The following APOLD1 variants were observed in gnomAD, a reference collection of about 807,000 sequenced individuals.
The protein encoded by APOLD1 is apolipoprotein L domain-containing protein 1.
Under a neutral mutation model 15.3 loss-of-function variants are expected in APOLD1, and 22 were observed. That is an observed-to-expected ratio of 1.44 (90% CI 1.03 to 2.05). The LOEUF (loss-of-function observed/expected upper bound fraction) is 2.05. Among genes scored for constraint, APOLD1 ranks in the 30% most tolerant of loss-of-function variants. The pLI, the probability that APOLD1 is intolerant of heterozygous loss-of-function variation, is 0.00. For synonymous variants in APOLD1, 190 were observed against 167.4 expected, an observed-to-expected ratio of 1.13 and a Z score of -1.04; for missense variants, 394 against 353.5, an observed-to-expected ratio of 1.11 and a Z score of -0.92.
At chr12:12,783,721 C>T (rs567170319), upstream of APOLD1, among the ~76,000 whole-genome samples, 7 of 150,664 alleles carry the variant, frequency 4.6e-5, no homozygotes, top group African/African-American at 1.5e-4. Flanking sequence ...GCAGCCTTGA[C>T]CTCCTGGGTG....
chr12:12,756,837 A>T (rs888947311), intron 1 of APOLD1, among the ~76,000 whole-genome samples: 1 of 151,960 alleles, frequency 6.6e-6, no homozygotes, highest in African/African-American at 2.4e-5. Context: ...CCCAGGCTGG[A>T]GTGCAATGGC....
intron 1 of APOLD1, among the ~76,000 whole-genome samples, chr12:12,749,603 C>G (rs1052603620): frequency 6.6e-6 from 1 of 152,140 alleles, no homozygotes; most frequent in African/African-American, 2.4e-5. Context: ...AGGAGTGTGA[C>G]GTTGGTAACT....
intron 1 of APOLD1, among the ~76,000 whole-genome samples, chr12:12,746,733 A>G (rs1345676528): frequency 3.9e-5 from 6 of 152,070 alleles, no homozygotes; most frequent in Non-Finnish European, 7.4e-5. Context: ...GGATGATCCT[A>G]TTGCCCAAGT....
At chr12:12,785,568 A>T (rs1947117170), upstream of APOLD1, 1 of 1,590,792 alleles carries the variant, frequency 6.3e-7, no homozygotes, top group Non-Finnish European at 8.6e-7. Context: ...TCATGACAGG[A>T]AATGGCAAAT....
intron 1 of APOLD1, among the ~76,000 whole-genome samples, chr12:12,746,506 A>AATAAATAAATAAATAC (rs1249370057): frequency 2.0e-5 from 3 of 150,954 alleles, no homozygotes; most frequent in Admixed American, 6.6e-5. Flanking sequence ...CAAATAAATA[A>AATAAATAAATAAATAC]ATAAATAAAT....
chr12:12,728,676 A>G (rs1213551281), intron 1 of APOLD1, among the ~76,000 whole-genome samples: 4 of 95,704 alleles, frequency 4.2e-5, no homozygotes, highest in Admixed American at 3.0e-4. Context: ...AAAAAAAAAA[A>G]AAAAAAAAAA....
chr12:12,745,167 G>T (rs1440279521), intron 1 of APOLD1, among the ~76,000 whole-genome samples: 1 of 152,190 alleles, frequency 6.6e-6, no homozygotes, highest in East Asian at 1.9e-4. Flanking sequence ...GCTGTGAGGA[G>T]AATTAAAAGG....
intron 1 of APOLD1, among the ~76,000 whole-genome samples, chr12:12,738,139 A>G (rs1056405504): frequency 6.6e-6 from 1 of 151,250 alleles, no homozygotes; most frequent in African/African-American, 2.4e-5. Flanking sequence ...TTTACTCTGG[A>G]ATATGCTGCC....
rs181885314 is a variant in APOLD1, at chr12:12,737,064, A to T, written c.96+10968A>T. Among the ~76,000 whole-genome samples, 278 of 152,328 alleles carry T rather than the reference A, an allele frequency of 1.8e-3. 1 individual carries two copies. Among genetic ancestry groups the T allele is most frequent in the African/African-American group, 6.6e-3 (273 of 41,564 alleles). On this transcript the variant is annotated intron_variant, in intron 1 of 1. Transcript: ENST00000326765. ...TAAGCAAATGAATAGCTTAGAGGTG[A>T]ATACTGAATCTTTTGCTTCAAGTAG...
intron 1 of APOLD1, among the ~76,000 whole-genome samples, chr12:12,734,788 G>C (rs1946670560): frequency 6.6e-6 from 1 of 152,234 alleles, no homozygotes; most frequent in Non-Finnish European, 1.5e-5. Flanking sequence ...AGTAGTGCCA[G>C]ATATTGCTGC....
rs1947117836 is a variant in APOLD1 at position 12,785,667 on chromosome 12, C to T, written c.-25C>T. On this transcript the variant is annotated 5_prime_UTR_variant, in exon 1 of 2. Coordinates refer to ENST00000356591, the MANE Select transcript of APOLD1 (RefSeq NM_030817.3). The stretch of plus-strand genomic sequence containing the variant: ...CATCCAGAAACAGCCTCAGATTTTA[C>T]TTTCCTGGAGGCAGACAGAAGTGAA... The T allele has an allele frequency of 6.2e-7, 1 of 1,614,212 alleles. No homozygotes were observed. The highest frequency in any genetic ancestry group is 8.5e-7 in the Non-Finnish European group (1 of 1,180,028).
intron 1 of APOLD1, among the ~76,000 whole-genome samples, chr12:12,752,248 T>C (rs893445258): frequency 1.3e-5 from 2 of 152,182 alleles, no homozygotes; most frequent in African/African-American, 4.8e-5. Flanking sequence ...ATGATTGGCT[T>C]AGTCTCCTTC....
chr12:12,787,048 TGCGCA>T lies in APOLD1; in HGVS notation c.145_149del (p.Arg49AlafsTer141). On this transcript the variant is annotated frameshift_variant, in exon 2 of 2. Transcript: ENST00000356591. LOFTEE classifies it high-confidence loss of function. The surrounding 1 kb of genome is among the most constrained non-coding windows in gnomAD (Gnocchi z 4.9). ...GAGGTGGCCCGGCGCCTGGAGCGCC[TGCGCA>T]GGCGCTCCCTCGTAGCCAACGTGGC... 7.3e-7 allele frequency: 1 copy of T among 1,365,378 alleles called. No individual in the cohort carries two copies. The highest frequency in any genetic ancestry group is 3.1e-5 in the East Asian group (1 of 32,544). 84.6% of individuals were successfully genotyped at this position (1,365,378 alleles called of 1,614,324 possible).
At chr12:12,786,305 C>G (rs1258017894) in intron 1 of APOLD1, among the ~76,000 whole-genome samples, 1 of 152,126 alleles carries the variant, frequency 6.6e-6, no homozygotes, top group African/African-American at 2.4e-5. Context: ...TCATTTTAGG[C>G]TTGATTCTAA....
At chr12:12,772,225 AC>A (rs1208749047) in intron 1 of APOLD1, among the ~76,000 whole-genome samples, 1 of 152,190 alleles carries the variant, frequency 6.6e-6, no homozygotes, top group Non-Finnish European at 1.5e-5. Context: ...AAAAAACAAG[AC>A]CCAACTATAT....
intron 1 of APOLD1, among the ~76,000 whole-genome samples, chr12:12,753,237 T>G (rs1946826464): frequency 6.6e-6 from 1 of 151,966 alleles, no homozygotes; most frequent in African/African-American, 2.4e-5. Context: ...TCTGAGAAAA[T>G]GAATTAACAC....
intron 1 of APOLD1, among the ~76,000 whole-genome samples, chr12:12,762,545 G>C (rs150079416): frequency 4.9e-4 from 74 of 151,938 alleles, no homozygotes; most frequent in Middle Eastern, 3.4e-3. Context: ...AGTAGAGATG[G>C]GGTTTCACCA....
Position 12,789,881 on chromosome 12 carries a change from G to C in APOLD1, c.*2229G>C, listed in dbSNP as rs1305752719. The stretch of plus-strand genomic sequence containing the variant: ...ACTGGGGTCGGGGAGAGGAGGTGAT[G>C]TTTCTACATTTTTATTTTTTCTATA... On this transcript the variant is annotated 3_prime_UTR_variant, in exon 2 of 2. Transcript: ENST00000356591. 3 of 152,028 alleles carry C rather than the reference G, an allele frequency of 2.0e-5. No individual in the cohort carries two copies. The highest frequency in any genetic ancestry group is 7.3e-5 in the African/African-American group (3 of 41,374). 9.4% of individuals were successfully genotyped at this position (152,028 alleles called of 1,614,324 possible).
At chr12:12,754,959 A>G (rs1267319784) in intron 1 of APOLD1, among the ~76,000 whole-genome samples, 3 of 151,430 alleles carry the variant, frequency 2.0e-5, no homozygotes, top group African/African-American at 7.3e-5. Context: ...AGGTGGGAGG[A>G]TCGTTTGAGC....
Sources: gnomAD v4.1 joint callset for allele counts (sites outside exome capture counted in the v4.1 genomes callset) on GRCh38, gnomAD v4.1.1 for gene constraint, Gnocchi (gnomAD v3.1) non-coding constraint, MANE v1.5 for transcripts, NCBI Gene and HGNC (gene_info 2026-07-23, HGNC 2026-07-21) for gene names.